Variants in MTMR6 observed in about 807,000 individuals in gnomAD.
MTMR6 encodes phosphatidylinositol-3,5-bisphosphate 3-phosphatase MTMR6.
MTMR6 carries 47 observed loss-of-function variants against 80.1 expected under a neutral mutation model. That is an observed-to-expected ratio of 0.59 (90% confidence interval 0.46 to 0.75). The LOEUF is 0.75. Ranked by LOEUF, MTMR6 falls within the 30% of genes least tolerant of loss-of-function variation. The pLI, the probability that MTMR6 is intolerant of heterozygous loss-of-function variation, is 0.00. For missense variants in MTMR6, 629 were observed against 730.9 expected (o/e 0.86, Z 1.61); for synonymous variants, 254 against 253.0 (o/e 1.00, Z -0.04).
chr13:25,276,195 G>A (rs1957723412), intron 1 of MTMR6, among the ~76,000 whole-genome samples: 1 of 152,124 alleles, frequency 6.6e-6, no homozygotes, highest in Non-Finnish European at 1.5e-5. Flanking sequence ...TTTGGGTGGA[G>A]CCACAGAGCC....
Position 25,248,610 on chromosome 13 carries a change from T to C in MTMR6, c.*622A>G, listed in dbSNP as rs1566032759. 1 of 152,490 alleles carries C rather than the reference T, an allele frequency of 6.6e-6. No homozygotes were observed. The highest frequency in any genetic ancestry group is 1.5e-5 in the Non-Finnish European group (1 of 68,028). The allele number at this position is 152,490 out of a possible 1,614,324, so 9.4% of individuals were successfully genotyped here. The stretch of plus-strand genomic sequence containing the variant: ...TTCTACAAGTGTTTATATAGAAGTA[T>C]TGTAGCATGCACCCCCAGCAGTAAT... On this transcript the variant is annotated 3_prime_UTR_variant, in exon 14 of 14. Transcript: ENST00000381801.
At chr13:25,265,993 A>T (rs1329399276) in intron 4 of MTMR6, 46 bp from the exon 5 acceptor site, 2 of 1,604,932 alleles carry the variant, frequency 1.2e-6, no homozygotes, top group African/African-American at 2.7e-5. Flanking sequence ...TTAGTTCAAA[A>T]CCACTTTAAA....
At position 25,249,224 on chromosome 13, in the gene MTMR6, C is replaced by CT. The variant is rs1433537740; in HGVS notation, c.*7dup. 6.2e-7 allele frequency: 1 copy of CT among 1,609,530 alleles called. No homozygotes were observed. The highest frequency in any genetic ancestry group is 8.5e-7 in the Non-Finnish European group (1 of 1,176,764). On this transcript the variant is annotated 3_prime_UTR_variant, in exon 14 of 14. Transcript: ENST00000381801. ...TACTGCAATCATTGCAGAAAAAACT[C>CT]TATGAGTCTAACAAGTCATTCTTGC...
chr13:25,251,638 A>G lies in MTMR6; in HGVS notation c.1605+11T>C. On this transcript the variant is annotated intron_variant, in intron 13 of 13. Transcript: ENST00000381801. This position sits in a 1 kb window ranked among gnomAD's most constrained non-coding sequence, Gnocchi z 4.1. ...ACATTCCAAATATATTAGATACTTC[A>G]GAATACTTACAGATTCTAGGTCTTT... The G allele has an allele frequency of 1.4e-6, 2 of 1,466,868 alleles. No individual in the cohort carries two copies. Among genetic ancestry groups the G allele is most frequent in the Non-Finnish European group, 1.9e-6 (2 of 1,062,898 alleles). The allele number at this position is 1,466,868 out of a possible 1,614,324, so 90.9% of individuals were successfully genotyped here.
chr13:25,265,929 TG>T lies in MTMR6; in HGVS notation c.480del (p.Arg161GlufsTer8). On this transcript the variant is annotated frameshift_variant, in exon 5 of 14. Coordinates refer to ENST00000381801, the MANE Select transcript of MTMR6 (RefSeq NM_004685.5). LOFTEE classifies it high-confidence loss of function. Reference sequence around the variant, plus strand: ...GCTATCCGGGGAACATAAAGTTCTCTGGGGTAAGTTTCACAAATCTGTAAAT... The same window carrying T: ...GCTATCCGGGGAACATAAAGTTCTCTGGGTAAGTTTCACAAATCTGTAAAT... ...NRDYKICETY[P>X]RELYVPRIAS... 6.2e-7 allele frequency: 1 copy of T among 1,613,832 alleles called. No homozygotes were observed. Among genetic ancestry groups the T allele is most frequent in the Non-Finnish European group, 8.5e-7 (1 of 1,179,708 alleles).
rs1957450132 is a variant in MTMR6, at chr13:25,266,172, G to T, written c.419C>A (p.Pro140Gln). The T allele has an allele frequency of 1.2e-6, 2 of 1,613,862 alleles. No individual in the cohort carries two copies. The highest frequency in any genetic ancestry group is 1.7e-6 in the Non-Finnish European group (2 of 1,180,008). The change falls in exon 4 of 14, where the codon CCA becomes CAA. Residue 140 changes from proline to glutamine, a missense_variant. Physicochemically the swap from Pro to Gln is moderately conservative, Grantham distance 76. Coordinates refer to ENST00000381801, the MANE Select transcript of MTMR6 (RefSeq NM_004685.5). ...LAEEYKRMGV[P>Q]NSHWQLSDAN... is the part of the protein sequence containing the mutation. The stretch of plus-strand genomic sequence containing the variant: ...ATCAGACAACTGCCAGTGTGAGTTT[G>T]GCACTCCCATCCTCTTATATTCCTC...
At position 25,246,532 on chromosome 13, in the gene MTMR6, T is replaced by C. The variant is rs1956982702; in HGVS notation, c.*2700A>G. ...CACTAATAAAAGTCTGCAACTGTAG[T>C]ATTAGGTTGGTGCAAAAGTAATTGC... On this transcript the variant is annotated 3_prime_UTR_variant, in exon 14 of 14. Coordinates refer to ENST00000381801, the MANE Select transcript of MTMR6 (RefSeq NM_004685.5). 1 of 152,620 alleles carries C rather than the reference T, an allele frequency of 6.6e-6. No homozygotes were observed. The highest frequency in any genetic ancestry group is 2.4e-5 in the African/African-American group (1 of 41,444). 9.5% of individuals were successfully genotyped at this position (152,620 alleles called of 1,614,324 possible).
intron 5 of MTMR6, among the ~76,000 whole-genome samples, chr13:25,262,941 G>A (rs1957372068): frequency 6.6e-6 from 1 of 152,236 alleles, no homozygotes; most frequent in Non-Finnish European, 1.5e-5. Context: ...TGTGTCAAGA[G>A]AGGCCATAAC....
At chr13:25,249,640 T>C (rs1392987663) in intron 13 of MTMR6, 148 bp from the exon 14 acceptor site, 1 of 789,088 alleles carries the variant, frequency 1.3e-6, no homozygotes, top group African/African-American at 1.7e-5. Context: ...TTAATGCATA[T>C]GACATGGTTG....
intron 1 of MTMR6, among the ~76,000 whole-genome samples, chr13:25,274,904 G>A (rs1373089734): frequency 2.1e-5 from 3 of 143,074 alleles, no homozygotes; most frequent in Admixed American, 7.2e-5. Flanking sequence ...GAGCTGATAA[G>A]GCACATAGTA....
chr13:25,277,210 T>G (rs1367421726), intron 1 of MTMR6, among the ~76,000 whole-genome samples: 2 of 152,206 alleles, frequency 1.3e-5, no homozygotes, highest in Admixed American at 6.5e-5. Context: ...ATCCTATGAC[T>G]TCTTCTCAAC....
At chr13:25,270,534 G>T (rs1190868456) in intron 2 of MTMR6, among the ~76,000 whole-genome samples, 1 of 152,164 alleles carries the variant, frequency 6.6e-6, no homozygotes, top group African/African-American at 2.4e-5. Context: ...TCTACGAGAT[G>T]GATAATAGAG....
intron 10 of MTMR6, 112 bp from the exon 11 acceptor site, chr13:25,254,076 T>G: frequency 9.1e-7 from 1 of 1,098,214 alleles, no homozygotes; most frequent in East Asian, 2.6e-5. Context: ...TACATTAGCA[T>G]GCAAAACTAG....
At chr13:25,282,964 T>G (rs1308050723) in intron 1 of MTMR6, among the ~76,000 whole-genome samples, 2 of 151,958 alleles carry the variant, frequency 1.3e-5, no homozygotes, top group Non-Finnish European at 2.9e-5. Context: ...ATATTCTCCT[T>G]GCATAAACTC....
intron 1 of MTMR6, among the ~76,000 whole-genome samples, chr13:25,284,025 C>T (rs918374729): frequency 2.6e-5 from 4 of 152,122 alleles, no homozygotes; most frequent in Admixed American, 6.5e-5. Flanking sequence ...TAAATATGTT[C>T]ATTAGTATTC....
At chr13:25,260,028 AT>A (rs1235543502) in intron 6 of MTMR6, among the ~76,000 whole-genome samples, 1 of 151,336 alleles carries the variant, frequency 6.6e-6, no homozygotes, top group Non-Finnish European at 1.5e-5. Flanking sequence ...CACCCAGCTA[AT>A]TTTTTGTATT....
chr13:25,281,138 GC>G (rs1957834799), intron 1 of MTMR6, among the ~76,000 whole-genome samples: 1 of 152,100 alleles, frequency 6.6e-6, no homozygotes, highest in Non-Finnish European at 1.5e-5. Context: ...ACCAGTCTGA[GC>G]AACATAGTGA....
At chr13:25,249,539 A>G in intron 13 of MTMR6, 47 bp from the exon 14 acceptor site, 3 of 1,563,698 alleles carry the variant, frequency 1.9e-6, no homozygotes, top group Non-Finnish European at 2.6e-6. Context: ...CATAAGCCAC[A>G]ATATGTTACA....
chr13:25,285,401 C>CCA (rs1555251777), intron 1 of MTMR6, among the ~76,000 whole-genome samples: 1 of 134,100 alleles, frequency 7.5e-6, no homozygotes, highest in African/African-American at 2.8e-5. Context: ...CCCCCCCCCC[C>CCA]CAATTATGTC....
Sources: gnomAD v4.1 joint callset for allele counts (sites outside exome capture counted in the v4.1 genomes callset) on GRCh38, gnomAD v4.1.1 for gene constraint, Gnocchi (gnomAD v3.1) non-coding constraint, MANE v1.5 for transcripts, NCBI Gene and HGNC (gene_info 2026-07-23, HGNC 2026-07-21) for gene names.